HSPA2: variants seen among roughly 807,000 people sequenced by gnomAD.
The protein encoded by HSPA2 is heat shock-related 70 kDa protein 2.
HSPA2 carries 13 observed loss-of-function variants against 35.0 expected under a neutral mutation model. The observed-to-expected ratio is 0.37, with a 90% CI of 0.24 to 0.59. HSPA2 has a LOEUF of 0.59. Ranked by LOEUF, HSPA2 falls within the 20% of genes least tolerant of loss-of-function variation. The pLI is 0.70. For synonymous variants in HSPA2, 368 were observed against 382.1 expected, an observed-to-expected ratio of 0.96 and a Z score of 0.43; for missense variants, 565 against 885.4, an observed-to-expected ratio of 0.64 and a Z score of 4.59.
chr14:64,536,211 A>G (rs892972864), upstream of HSPA2, among the ~76,000 whole-genome samples: 2 of 152,208 alleles, frequency 1.3e-5, no homozygotes, highest in Non-Finnish European at 1.5e-5. Flanking sequence ...CAAGTTTCAT[A>G]TATTTTATTC....
In HSPA2 at chr14:64,541,790, G is replaced by C. The variant is rs758182171; in HGVS notation, c.941G>C (p.Arg314Pro). ...RFEELNADLF[R>P]GTLEPVEKAL... The stretch of plus-strand genomic sequence containing the variant: ...GAGGAGCTCAATGCCGACCTCTTTC[G>C]CGGGACCCTGGAGCCGGTGGAGAAG... The change falls in exon 1 of 1, where the codon CGC (arginine) becomes CCC (proline). Residue 314 changes from arginine (R) to proline (P), a missense_variant. Coordinates refer to ENST00000247207, the MANE Select transcript of HSPA2 (RefSeq NM_021979.4). 1.1e-5 allele frequency: 17 copies of C among 1,613,300 alleles called. No individual in the cohort carries two copies.
At chr14:64,536,806 AG>A (rs2079983270), upstream of HSPA2, among the ~76,000 whole-genome samples, 1 of 152,250 alleles carries the variant, frequency 6.6e-6, no homozygotes, top group African/African-American at 2.4e-5. Context: ...GGAAAAGCTT[AG>A]GATGCCTCTT....
Position 64,542,075 on chromosome 14 carries a change from C to A in HSPA2, c.1226C>A (p.Ala409Asp). 6.2e-7 allele frequency: 1 copy of A among 1,613,562 alleles called. No homozygotes were observed. The highest frequency in any genetic ancestry group is 8.5e-7 in the Non-Finnish European group (1 of 1,179,990). ...VTPLSLGIET[A>D]GGVMTPLIKR... ...CCGTTGTCGCTGGGCATCGAGACAG[C>A]TGGCGGTGTCATGACCCCACTCATC... The change falls in exon 1 of 1, where the codon GCT becomes GAT. Residue 409 changes from alanine (A) to aspartate (D), a missense_variant. Ala to Asp is a moderately radical substitution (Grantham distance 126, BLOSUM62 -2). This residue lies in a region of HSPA2 where 234 missense variants were observed against 419.0 expected (regional missense o/e 0.56). Coordinates refer to ENST00000247207, the MANE Select transcript of HSPA2 (RefSeq NM_021979.4). This position sits in a 1 kb window ranked among gnomAD's most constrained non-coding sequence, Gnocchi z 5.7.
chr14:64,540,474 G>C (rs1457005813), upstream of HSPA2: 1 of 267,630 alleles, frequency 3.7e-6, no homozygotes, highest in Admixed American at 5.0e-5. Context: ...CCAGCCAGCA[G>C]CAGGAGGCGC....
At chr14:64,539,995 A>T (rs979339427), upstream of HSPA2, among the ~76,000 whole-genome samples, 2 of 152,060 alleles carry the variant, frequency 1.3e-5, no homozygotes, top group Non-Finnish European at 2.9e-5. Context: ...AGGCAGTTTT[A>T]ATCGAGCGCT....
In HSPA2 at chr14:64,540,823, C is replaced by T. The variant is rs1290761317; in HGVS notation, c.-27C>T. The T allele has an allele frequency of 1.2e-6, 2 of 1,611,826 alleles. No homozygotes were observed. The highest frequency in any genetic ancestry group is 1.7e-6 in the Non-Finnish European group (2 of 1,178,546). On this transcript the variant is annotated 5_prime_UTR_variant, in exon 1 of 1. Transcript: ENST00000247207. ...GAGTTCATCTCCCTGGTTTTCCCGTCCTAACGTCGCTCGCCTTTCAGTCAG... is the reference window on the plus strand; with the variant it reads ...GAGTTCATCTCCCTGGTTTTCCCGTTCTAACGTCGCTCGCCTTTCAGTCAG...
rs113205383 is a variant in HSPA2 at position 64,542,816 on chromosome 14, C to T, written c.*47C>T. The T allele has an allele frequency of 2.5e-5, 35 of 1,393,164 alleles. No homozygotes were observed. Among genetic ancestry groups the T allele is most frequent in the Admixed American group, 5.4e-5 (2 of 36,764 alleles). The allele number at this position is 1,393,164 out of a possible 1,614,324, so 86.3% of individuals were successfully genotyped here. A position where few individuals can be genotyped will look rare whatever the true frequency, so the allele number is the denominator to read the frequency against. On this transcript the variant is annotated 3_prime_UTR_variant, in exon 1 of 1. Coordinates refer to ENST00000247207, the MANE Select transcript of HSPA2 (RefSeq NM_021979.4). The surrounding 1 kb of genome is among the most constrained non-coding windows in gnomAD (Gnocchi z 5.7). Reference sequence around the variant, plus strand: ...AACCTCTTTGCCTTTCTCTCTCTCTCTTTTTTTTTGTTTGTTTCTTTGAAA... The same window carrying T: ...AACCTCTTTGCCTTTCTCTCTCTCTTTTTTTTTTTGTTTGTTTCTTTGAAA...
upstream of HSPA2, among the ~76,000 whole-genome samples, chr14:64,536,998 A>G (rs1391701152): frequency 1.3e-5 from 2 of 152,238 alleles, no homozygotes; most frequent in Admixed American, 6.5e-5. Flanking sequence ...TGTGCAAAAG[A>G]AACTATTCCT....
Position 64,540,758 on chromosome 14 carries a change from C to T in HSPA2, c.-92C>T. ...GGGGAGCTGAGTTGCTGGTAGTGCC[C>T]GTGGTGCTTGGTTCGAGGTGGCCGT... On this transcript the variant is annotated 5_prime_UTR_variant, in exon 1 of 1. Coordinates refer to ENST00000247207, the MANE Select transcript of HSPA2 (RefSeq NM_021979.4). The T allele has an allele frequency of 1.3e-6, 2 of 1,548,124 alleles. No individual in the cohort carries two copies. Among genetic ancestry groups the T allele is most frequent in the South Asian group, 1.2e-5 (1 of 80,492 alleles).
Position 64,541,977 on chromosome 14 carries a change from C to T in HSPA2, c.1128C>T (p.Ala376=). The change falls in exon 1 of 1, where the codon GCC becomes GCT. Residue 376 remains alanine (A), a synonymous_variant. Coordinates refer to ENST00000247207, the MANE Select transcript of HSPA2 (RefSeq NM_021979.4). ...CCGACGAGGCGGTGGCCTATGGCGC[C>T]GCGGTGCAGGCGGCCATCCTCATCG... ...INPDEAVAYG[A]AVQAAILIGD... is the part of the protein sequence containing the mutation. 2 of 1,613,550 alleles carry T rather than the reference C, an allele frequency of 1.2e-6. No individual in the cohort carries two copies. The highest frequency in any genetic ancestry group is 2.2e-5 in the South Asian group (2 of 91,088).
At position 64,542,639 on chromosome 14, in the gene HSPA2, A is replaced by C; in HGVS notation, c.1790A>C (p.His597Pro). 1 of 1,613,998 alleles carries C rather than the reference A, an allele frequency of 6.2e-7. No homozygotes were observed. Among genetic ancestry groups the C allele is most frequent in the South Asian group, 1.1e-5 (1 of 91,076 alleles). The change falls in exon 1 of 1, where the codon CAC becomes CCC. Residue 597 changes from histidine to proline, a missense_variant. This residue lies in a region of HSPA2 where 147 missense variants were observed against 166.7 expected (regional missense o/e 0.88). Coordinates refer to ENST00000247207, the MANE Select transcript of HSPA2 (RefSeq NM_021979.4). The surrounding 1 kb of genome is among the most constrained non-coding windows in gnomAD (Gnocchi z 5.7). ...ATGGCAGAGAAAGATGAGTATGAACACAAGCAGAAAGAGCTCGAAAGAGTT... is the reference window on the plus strand; with the variant it reads ...ATGGCAGAGAAAGATGAGTATGAACCCAAGCAGAAAGAGCTCGAAAGAGTT... ...NQMAEKDEYEHKQKELERVCN... is the reference protein window; with the variant it reads ...NQMAEKDEYEPKQKELERVCN...
Position 64,540,998 on chromosome 14 carries a change from G to T in HSPA2, c.149G>T (p.Arg50Leu), listed in dbSNP as rs1315485021. 6.2e-7 allele frequency: 1 copy of T among 1,614,030 alleles called. No homozygotes were observed. Among genetic ancestry groups the T allele is most frequent in the Non-Finnish European group, 8.5e-7 (1 of 1,180,036 alleles). ...PSYVAFTDTE[R>L]LIGDAAKNQV... is the part of the protein sequence containing the mutation. ...TACGTGGCCTTCACGGACACCGAGC[G>T]CCTCATCGGCGACGCCGCCAAGAAC... is the stretch of plus-strand genomic sequence containing the variant. The change falls in exon 1 of 1, where the codon CGC becomes CTC. Residue 50 changes from arginine to leucine, a missense_variant. Arg to Leu is a moderately radical substitution (Grantham distance 102). This residue lies in a region of HSPA2 where 183 missense variants were observed against 281.6 expected (regional missense o/e 0.65). Transcript: ENST00000247207.
At chr14:64,536,754 A>C (rs1003033681), upstream of HSPA2, among the ~76,000 whole-genome samples, 3 of 152,176 alleles carry the variant, frequency 2.0e-5, no homozygotes, top group Non-Finnish European at 4.4e-5. Context: ...ACAAACAAAC[A>C]AATTTTTAAA....
chr14:64,543,208 A>G lies in HSPA2; in HGVS notation c.*439A>G, dbSNP rs747853946. 15 of 188,326 alleles carry G rather than the reference A, an allele frequency of 8.0e-5. No individual in the cohort carries two copies. The highest frequency in any genetic ancestry group is 4.9e-4 in the Admixed American group (9 of 18,436). The allele number at this position is 188,326 out of a possible 1,614,324, so 11.7% of individuals were successfully genotyped here. On this transcript the variant is annotated 3_prime_UTR_variant, in exon 1 of 1. Coordinates refer to ENST00000247207, the MANE Select transcript of HSPA2 (RefSeq NM_021979.4). The stretch of plus-strand genomic sequence containing the variant: ...TTTGCAAACAAATGCATAAATGCAA[A>G]TGTAAAGTAAAGCTGAAATTGATCT...
Position 64,540,900 on chromosome 14 carries a change from G to T in HSPA2, c.51G>T (p.Ser17=), listed in dbSNP as rs767522207. 15 of 1,614,020 alleles carry T rather than the reference G, an allele frequency of 9.3e-6. No individual in the cohort carries two copies. Among genetic ancestry groups the T allele is most frequent in the African/African-American group, 2.7e-5 (2 of 74,932 alleles). The part of the protein sequence containing the change: ...AIGIDLGTTY[S]CVGVFQHGKV... ...GCATCGACCTGGGCACCACCTATTC[G>T]TGCGTCGGGGTCTTCCAACATGGCA... Residue 17 remains serine, a synonymous_variant, in exon 1 of 1, where the codon TCG becomes TCT. Coordinates refer to ENST00000247207, the MANE Select transcript of HSPA2 (RefSeq NM_021979.4).
upstream of HSPA2, among the ~76,000 whole-genome samples, chr14:64,536,423 C>T (rs2079980842): frequency 6.6e-6 from 1 of 152,098 alleles, no homozygotes; most frequent in African/African-American, 2.4e-5. Context: ...ATAAATCCCA[C>T]AATGAGTAAT....
upstream of HSPA2, among the ~76,000 whole-genome samples, chr14:64,537,729 C>CT (rs1454024408): frequency 0.014 from 1,340 of 98,766 alleles, 38 homozygotes; most frequent in South Asian, 0.11. Flanking sequence ...ATTTTCTTTT[C>CT]TTTTTCTTTT....
upstream of HSPA2, among the ~76,000 whole-genome samples, chr14:64,538,913 C>T (rs1157100674): frequency 6.6e-6 from 1 of 152,232 alleles, no homozygotes; most frequent in Non-Finnish European, 1.5e-5. Flanking sequence ...TCTCGACTGA[C>T]TGCAACCTCT....
chr14:64,540,555 T>C (rs2080018898), upstream of HSPA2: 1 of 461,312 alleles, frequency 2.2e-6, no homozygotes, highest in African/African-American at 2.0e-5. Context: ...CCCCTCTGTC[T>C]CCTGGCGGGG....
Sources: allele counts gnomAD v4.1 joint callset (sites outside exome capture counted in the v4.1 genomes callset), GRCh38; gene constraint gnomAD v4.1.1; regional missense constraint gnomAD v4.1.1; non-coding constraint Gnocchi (gnomAD v3.1); transcripts MANE v1.5; gene names NCBI Gene and HGNC (gene_info 2026-07-23, HGNC 2026-07-21).